WWP2: variants seen among roughly 807,000 people sequenced by gnomAD.
WWP2 encodes NEDD4-like E3 ubiquitin-protein ligase WWP2.
WWP2 carries 57 observed loss-of-function variants against 121.0 expected under a neutral mutation model. The observed-to-expected ratio is 0.47, with a 90% CI of 0.38 to 0.59. The LOEUF is 0.59. Ranked by LOEUF, WWP2 falls within the 20% of genes least tolerant of loss-of-function variation. WWP2 has a pLI of 0.00. For synonymous variants in WWP2, 449 were observed against 441.3 expected (o/e 1.02, Z -0.22); for missense variants, 962 against 1,158.9 (o/e 0.83, Z 2.47).
At chr16:69,836,483 A>G (rs2056878842) in intron 4 of WWP2, among the ~76,000 whole-genome samples, 1 of 152,182 alleles carries the variant, frequency 6.6e-6, no homozygotes, top group African/African-American at 2.4e-5. Flanking sequence ...GTGACAGTAA[A>G]TTAGATCACT....
intron 7 of WWP2, among the ~76,000 whole-genome samples, chr16:69,876,358 T>G (rs1159605397): frequency 6.6e-6 from 1 of 151,858 alleles, no homozygotes; most frequent in Non-Finnish European, 1.5e-5. Flanking sequence ...TTTGGGGTTT[T>G]TTTTTTTTTT....
intron 6 of WWP2, among the ~76,000 whole-genome samples, chr16:69,861,178 C>T (rs2057411399): frequency 6.6e-6 from 1 of 152,222 alleles, no homozygotes; most frequent in Non-Finnish European, 1.5e-5. Flanking sequence ...AAATCACAGG[C>T]TGCTGTCTCT....
In WWP2 at chr16:69,799,492, G is replaced by A; in HGVS notation, c.340+197G>A. On this transcript the variant is annotated intron_variant, in intron 4 of 23. Coordinates refer to ENST00000359154, the MANE Select transcript of WWP2 (RefSeq NM_001270454.2). This position sits in a 1 kb window ranked among gnomAD's most constrained non-coding sequence, Gnocchi z 4.5. ...TACAGAGTTTAGCCCTCTTTGTCCA[G>A]GGCCTCTAGTAATGTGATGCAGTGG... The A allele has an allele frequency of 6.1e-6, 4 of 655,188 alleles. No homozygotes were observed. In the South Asian group the frequency reaches 7.2e-5, roughly 12 times the overall value. The allele number at this position is 655,188 out of a possible 1,614,324, so 40.6% of individuals were successfully genotyped here. A position where few individuals can be genotyped will look rare whatever the true frequency, so the allele number is the denominator to read the frequency against.
chr16:69,886,699 G>A (rs2057931671), intron 7 of WWP2, among the ~76,000 whole-genome samples: 2 of 152,182 alleles, frequency 1.3e-5, no homozygotes, highest in Non-Finnish European at 2.9e-5. Flanking sequence ...GGCAGAGGTT[G>A]CATTGAGCCA....
At chr16:69,929,329 A>G in intron 11 of WWP2, 119 bp from the exon 12 acceptor site, 1 of 879,706 alleles carries the variant, frequency 1.1e-6, no homozygotes, top group Non-Finnish European at 1.8e-6. Flanking sequence ...TTCTTCTCTA[A>G]CAGGCTGACA....
At chr16:69,785,210 T>G (rs2055758073) in intron 1 of WWP2, among the ~76,000 whole-genome samples, 1 of 105,160 alleles carries the variant, frequency 9.5e-6, no homozygotes. Context: ...CACTCCAGCT[T>G]AGGTGTGTGA....
chr16:69,792,218 A>C (rs924134764), intron 2 of WWP2, among the ~76,000 whole-genome samples: 2 of 152,186 alleles, frequency 1.3e-5, no homozygotes, highest in African/African-American at 4.8e-5. Context: ...CCTTAAACGT[A>C]GGACAGCTAT....
At chr16:69,876,219 A>G (rs2057732771) in intron 7 of WWP2, among the ~76,000 whole-genome samples, 1 of 152,106 alleles carries the variant, frequency 6.6e-6, no homozygotes, top group Admixed American at 6.5e-5. Flanking sequence ...TGGCCTCCCA[A>G]AGTGCTGGGA....
intron 7 of WWP2, among the ~76,000 whole-genome samples, chr16:69,887,677 A>T (rs1038317308): frequency 3.3e-5 from 5 of 152,130 alleles, no homozygotes; most frequent in Non-Finnish European, 4.4e-5. Context: ...AAGTGCTGGG[A>T]TTACAGTTGT....
rs1273844191 is a variant in WWP2, at chr16:69,799,905, C to T, written c.340+610C>T. On this transcript the variant is annotated intron_variant, in intron 4 of 23. Transcript: ENST00000359154. The surrounding 1 kb of genome is among the most constrained non-coding windows in gnomAD (Gnocchi z 4.5). ...GCTGTTTGTGGTCAGTGGCATGGCC[C>T]ATGGCGGTGGTATTGGACCCTCCTT... Among the ~76,000 whole-genome samples, 3 of 152,148 alleles carry T rather than the reference C, an allele frequency of 2.0e-5. No individual in the cohort carries two copies. The highest frequency in any genetic ancestry group is 7.2e-5 in the African/African-American group (3 of 41,430).
At chr16:69,802,390 C>T (rs2056188118) in intron 4 of WWP2, among the ~76,000 whole-genome samples, 2 of 152,090 alleles carry the variant, frequency 1.3e-5, no homozygotes, top group African/African-American at 4.8e-5. Context: ...AAATTCTGTC[C>T]CATTAAACCA....
At chr16:69,800,287 T>C (rs1457121314) in intron 4 of WWP2, among the ~76,000 whole-genome samples, 2 of 152,190 alleles carry the variant, frequency 1.3e-5, no homozygotes, top group Non-Finnish European at 2.9e-5. Context: ...CCCTGATTGC[T>C]TTGTCTTCTG....
intron 6 of WWP2, among the ~76,000 whole-genome samples, chr16:69,846,093 A>G (rs955177860): frequency 6.8e-6 from 1 of 147,940 alleles, no homozygotes; most frequent in African/African-American, 2.5e-5. Flanking sequence ...GGTCTGGCAC[A>G]TGGAAGCCAG....
chr16:69,770,073 G>C (rs1411897051), intron 1 of WWP2, among the ~76,000 whole-genome samples: 2 of 152,112 alleles, frequency 1.3e-5, no homozygotes. Flanking sequence ...TGTTGGCCAG[G>C]CTGGTCTCGA....
In WWP2 at chr16:69,935,399, C is replaced by T. The variant is rs1470760154; in HGVS notation, c.1843-454C>T. Among the ~76,000 whole-genome samples, 1 of 152,222 alleles carries T rather than the reference C, an allele frequency of 6.6e-6. No individual in the cohort carries two copies. Among genetic ancestry groups the T allele is most frequent in the East Asian group, 1.9e-4 (1 of 5,178 alleles). ...GGTAAAACCCTAGACTATTACTCAC[C>T]ATTGGCCGCCAGCTCTCGCTGTCGG... On this transcript the variant is annotated intron_variant, in intron 17 of 23. Coordinates refer to ENST00000359154, the MANE Select transcript of WWP2 (RefSeq NM_001270454.2). This position sits in a 1 kb window ranked among gnomAD's most constrained non-coding sequence, Gnocchi z 5.2.
intron 7 of WWP2, among the ~76,000 whole-genome samples, chr16:69,878,319 G>C (rs2151925575): frequency 6.6e-6 from 1 of 152,250 alleles, no homozygotes; most frequent in Middle Eastern, 3.4e-3. Context: ...AAATGATTGA[G>C]AAATAGACCT....
chr16:69,884,827 C>T (rs922485030), intron 7 of WWP2, among the ~76,000 whole-genome samples: 1 of 152,064 alleles, frequency 6.6e-6, no homozygotes, highest in Non-Finnish European at 1.5e-5. Flanking sequence ...ACTGAACCTC[C>T]AGGAAGCCAA....
chr16:69,902,800 C>T (rs1435341103), intron 8 of WWP2, among the ~76,000 whole-genome samples: 2 of 152,050 alleles, frequency 1.3e-5, no homozygotes, highest in African/African-American at 4.8e-5. Flanking sequence ...TGTGAGTCAG[C>T]GGCCACTGAG....
chr16:69,790,155 G>A (rs1420919182), intron 2 of WWP2, among the ~76,000 whole-genome samples: 1 of 152,158 alleles, frequency 6.6e-6, no homozygotes, highest in Non-Finnish European at 1.5e-5. Flanking sequence ...GCTGAGGCAG[G>A]GGAACCGCCT....
Sources: gnomAD v4.1 joint callset for allele counts (sites outside exome capture counted in the v4.1 genomes callset) on GRCh38, gnomAD v4.1.1 for gene constraint, Gnocchi (gnomAD v3.1) non-coding constraint, MANE v1.5 for transcripts, NCBI Gene and HGNC (gene_info 2026-07-23, HGNC 2026-07-21) for gene names.